SLC16A1: variants seen among roughly 807,000 people sequenced by gnomAD.
SLC16A1 encodes solute carrier family 16 member 1, also known as monocarboxylate transporter 1.
In SLC16A1, 11 loss-of-function variants were observed where a neutral mutation model predicts 32.2. That is an observed-to-expected ratio of 0.34 (90% confidence interval 0.21 to 0.56). The LOEUF is 0.56. SLC16A1 is among the 20% of genes least tolerant of loss of function. The pLI, the probability that SLC16A1 is intolerant of heterozygous loss-of-function variation, is 0.87. For missense variants in SLC16A1, 435 were observed against 615.0 expected, an observed-to-expected ratio of 0.71 and a Z score of 3.10; for synonymous variants, 231 against 226.8, an observed-to-expected ratio of 1.02 and a Z score of -0.17.
chr1:112,941,866 A>G (rs1557854209), intron 1 of SLC16A1, among the ~76,000 whole-genome samples: 1 of 152,158 alleles, frequency 6.6e-6, no homozygotes, highest in Non-Finnish European at 1.5e-5. Flanking sequence ...TCACCACCTA[A>G]AGTAAGACAG....
intron 1 of SLC16A1, among the ~76,000 whole-genome samples, chr1:112,943,123 A>G (rs951614494): frequency 6.6e-6 from 1 of 152,212 alleles, no homozygotes; most frequent in Non-Finnish European, 1.5e-5. Context: ...GAATGAGGCT[A>G]TTATATAAGA....
Position 112,922,801 on chromosome 1 carries a change from A to G in SLC16A1, c.218-668T>C, listed in dbSNP as rs553541625. ...AAAAACAAACAAACAAAACAAAAACATGTTAGTAGAAAGTATGTTCTGTTT... is the reference window on the plus strand; with the variant it reads ...AAAAACAAACAAACAAAACAAAAACGTGTTAGTAGAAAGTATGTTCTGTTT... On this transcript the variant is annotated intron_variant, in intron 2 of 4. Coordinates refer to ENST00000369626, the MANE Select transcript of SLC16A1 (RefSeq NM_003051.4). Among the ~76,000 whole-genome samples, 170 of 152,148 alleles carry G rather than the reference A, an allele frequency of 1.1e-3. 1 individual carries two copies. The highest frequency in any genetic ancestry group is 3.9e-3 in the African/African-American group (160 of 41,536).
intron 1 of SLC16A1, among the ~76,000 whole-genome samples, chr1:112,954,979 G>A (rs1234178362): frequency 6.6e-6 from 1 of 151,892 alleles, no homozygotes; most frequent in Non-Finnish European, 1.5e-5. Context: ...AAAAATTGTT[G>A]AAACCAGAGT....
intron 3 of SLC16A1, among the ~76,000 whole-genome samples, chr1:112,919,664 A>C (rs955387360): frequency 6.6e-6 from 1 of 152,218 alleles, no homozygotes; most frequent in Non-Finnish European, 1.5e-5. Context: ...TAATAGAGAG[A>C]AATTATTCAA....
chr1:112,920,375 C>A (rs535823971), intron 3 of SLC16A1, among the ~76,000 whole-genome samples: 56 of 151,434 alleles, frequency 3.7e-4, no homozygotes, highest in African/African-American at 1.4e-3. Flanking sequence ...TGGGAGGCAG[C>A]GGCAGGCGGA....
chr1:112,922,781 C>G (rs1648784022), intron 2 of SLC16A1, among the ~76,000 whole-genome samples: 1 of 151,958 alleles, frequency 6.6e-6, no homozygotes, highest in Non-Finnish European at 1.5e-5. Context: ...TCTCAAAAAA[C>G]AAACAAACAA....
chr1:112,947,173 T>C (rs1173524494), intron 1 of SLC16A1, among the ~76,000 whole-genome samples: 1 of 152,218 alleles, frequency 6.6e-6, no homozygotes, highest in Non-Finnish European at 1.5e-5. Context: ...AATAATGGTA[T>C]GTGTTCTATT....
At chr1:112,944,154 T>C (rs993572769) in intron 1 of SLC16A1, among the ~76,000 whole-genome samples, 2 of 152,068 alleles carry the variant, frequency 1.3e-5, no homozygotes, top group Non-Finnish European at 2.9e-5. Flanking sequence ...TATTACCTGA[T>C]AGTAAAGAAA....
intron 1 of SLC16A1, among the ~76,000 whole-genome samples, chr1:112,932,261 G>A (rs1360004842): frequency 6.6e-6 from 1 of 152,238 alleles, no homozygotes; most frequent in African/African-American, 2.4e-5. Context: ...TAGGCCAGGT[G>A]CAGTGGCTCA....
intron 1 of SLC16A1, among the ~76,000 whole-genome samples, chr1:112,939,138 G>A (rs922127609): frequency 3.0e-4 from 45 of 151,478 alleles, no homozygotes; most frequent in African/African-American, 9.5e-4. Flanking sequence ...TGATCCACCC[G>A]CCTCAGCCTC....
rs2101617248 is a variant in SLC16A1 at position 112,913,162 on chromosome 1, C to T, written c.*729G>A. Reference sequence around the variant, plus strand: ...CAAAATGCATCTTTGAACAGGGGAGCAGAAATAGCTAATTTAATGAAAACA... The same window carrying T: ...CAAAATGCATCTTTGAACAGGGGAGTAGAAATAGCTAATTTAATGAAAACA... On this transcript the variant is annotated 3_prime_UTR_variant, in exon 5 of 5. Coordinates refer to ENST00000369626, the MANE Select transcript of SLC16A1 (RefSeq NM_003051.4). The T allele has an allele frequency of 6.6e-6, 1 of 152,298 alleles. No individual in the cohort carries two copies. The highest frequency in any genetic ancestry group is 2.1e-4 in the South Asian group (1 of 4,824). 9.4% of individuals were successfully genotyped at this position (152,298 alleles called of 1,614,324 possible). A position where few individuals can be genotyped will look rare whatever the true frequency, so the allele number is the denominator to read the frequency against.
intron 3 of SLC16A1, among the ~76,000 whole-genome samples, chr1:112,920,174 T>C (rs995076344): frequency 3.9e-5 from 6 of 152,234 alleles, no homozygotes; most frequent in African/African-American, 9.6e-5. Context: ...TTTCATCCAT[T>C]TGGAATTTTT....
intron 2 of SLC16A1, chr1:112,923,847 G>A (rs533635167): frequency 1.3e-6 from 2 of 1,508,370 alleles, no homozygotes; most frequent in African/African-American, 1.4e-5. Context: ...CCTGCCCACT[G>A]TGTACCAGGG....
intron 1 of SLC16A1, among the ~76,000 whole-genome samples, chr1:112,936,480 C>CA (rs35673011): frequency 0.29 from 15,039 of 52,576 alleles, 2,157 homozygotes; most frequent in Non-Finnish European, 0.38. Context: ...GACTCTGTCT[C>CA]AAAAAAAAAA....
chr1:112,955,672 G>A (rs1444957849), intron 1 of SLC16A1: 1 of 152,308 alleles, frequency 6.6e-6, no homozygotes, highest in Non-Finnish European at 1.5e-5. Context: ...GCAGCCTCAT[G>A]TTATCCCTTT....
chr1:112,930,066 G>A (rs552939460), intron 1 of SLC16A1, among the ~76,000 whole-genome samples: 11 of 152,106 alleles, frequency 7.2e-5, no homozygotes, highest in Non-Finnish European at 1.3e-4. Flanking sequence ...ATTAGTAAGC[G>A]TTTCCCTGAG....
At chr1:112,931,370 G>A (rs1450645546) in intron 1 of SLC16A1, among the ~76,000 whole-genome samples, 1 of 151,994 alleles carries the variant, frequency 6.6e-6, no homozygotes, top group Non-Finnish European at 1.5e-5. Flanking sequence ...TTTAGGCCAG[G>A]CGCAGTGGCT....
chr1:112,923,988 A>G (rs1648836116), intron 2 of SLC16A1: 2 of 1,449,054 alleles, frequency 1.4e-6, no homozygotes, highest in African/African-American at 1.4e-5. Flanking sequence ...GTATAAGGAC[A>G]AGGACAGGAA....
Position 112,912,422 on chromosome 1 carries a change from C to T in SLC16A1, c.*1469G>A, listed in dbSNP as rs1648352885. 1 of 152,182 alleles carries T rather than the reference C, an allele frequency of 6.6e-6. No individual in the cohort carries two copies. The highest frequency in any genetic ancestry group is 1.5e-5 in the Non-Finnish European group (1 of 68,022). The allele number at this position is 152,182 out of a possible 1,614,324, so 9.4% of individuals were successfully genotyped here. ...ACAAGGTTTTGTATCTATACTTTTA[C>T]TCTGTCAATTACAGTGGTATTTTAA... On this transcript the variant is annotated 3_prime_UTR_variant, in exon 5 of 5. Transcript: ENST00000369626.
Sources: gnomAD v4.1 joint callset for allele counts (sites outside exome capture counted in the v4.1 genomes callset) on GRCh38, gnomAD v4.1.1 for gene constraint, MANE v1.5 for transcripts, NCBI Gene and HGNC (gene_info 2026-07-23, HGNC 2026-07-21) for gene names.